Variants in BRDT observed in about 807,000 individuals in gnomAD.
The protein encoded by BRDT is bromodomain testis associated.
BRDT carries 77 observed loss-of-function variants against 113.9 expected under a neutral mutation model. The ratio of observed to expected loss-of-function variants is 0.68; its 90% CI spans 0.56 to 0.82. The LOEUF is 0.82. Among genes scored for constraint, BRDT ranks in the 40% least tolerant of loss-of-function variants. The probability of loss-of-function intolerance (pLI) is 0.00; values close to 1 mark genes in which losing one functional copy is unlikely to be tolerated. For missense variants in BRDT, 1,027 were observed against 1,105.4 expected (o/e 0.93, Z 1.01); for synonymous variants, 358 against 366.5 (o/e 0.98, Z 0.26).
In BRDT at chr1:92,007,392, C is replaced by T. The variant is rs182981249; in HGVS notation, c.2775+2093C>T. 8.5e-4 allele frequency among the ~76,000 whole-genome samples: 130 copies of T among 152,306 alleles called. 1 individual carries two copies. Among genetic ancestry groups the T allele is most frequent in the Non-Finnish European group, 1.3e-3 (87 of 68,020 alleles). On this transcript the variant is annotated intron_variant, in intron 18 of 18. Transcript: ENST00000399546. The stretch of plus-strand genomic sequence containing the variant: ...TTCTGCTCCTCTCCGTCCTCCCAAC[C>T]TCCACCCTCAAGTAGACCCCAGTGT...
chr1:91,977,352 T>C lies in BRDT; in HGVS notation c.928T>C (p.Tyr310His), dbSNP rs897745099. The stretch of plus-strand genomic sequence containing the variant: ...TAATGCTTTGGGACTCCATAACTAC[T>C]ATGACGTTGTCAAAAATCCGATGGA... The part of the protein sequence containing the change: ...DVNALGLHNY[Y>H]DVVKNPMDLG... Residue 310 changes from tyrosine to histidine, a missense_variant, in exon 6 of 19, where the codon TAT (tyrosine) becomes CAT (histidine). Physicochemically the swap from Tyr to His is moderately conservative, Grantham distance 83. Transcript: ENST00000399546. 2 of 1,598,506 alleles carry C rather than the reference T, an allele frequency of 1.3e-6. No individual in the cohort carries two copies. Among genetic ancestry groups the C allele is most frequent in the African/African-American group, 1.3e-5 (1 of 74,212 alleles).
intron 7 of BRDT, among the ~76,000 whole-genome samples, chr1:91,979,343 A>G (rs1684498245): frequency 6.6e-6 from 1 of 151,756 alleles, no homozygotes; most frequent in Non-Finnish European, 1.5e-5. Context: ...GATCTCCCCC[A>G]TCTCCGGTGA....
intron 4 of BRDT, among the ~76,000 whole-genome samples, chr1:91,970,949 T>A (rs1386861783): frequency 6.7e-6 from 1 of 150,070 alleles, no homozygotes; most frequent in Non-Finnish European, 1.5e-5. Flanking sequence ...AAGAAATATG[T>A]GAGGCTGGGT....
intron 12 of BRDT, among the ~76,000 whole-genome samples, chr1:91,984,010 A>G (rs1199732590): frequency 1.3e-5 from 2 of 152,240 alleles, no homozygotes; most frequent in Admixed American, 1.3e-4. Context: ...CATTATAAAT[A>G]GTGTACAATT....
chr1:91,950,007 G>A (rs965308002), intron 1 of BRDT: 1 of 152,162 alleles, frequency 6.6e-6, no homozygotes, highest in Admixed American at 6.6e-5. Context: ...TTCTGCAAGT[G>A]GTCATTTGGG....
intron 18 of BRDT, among the ~76,000 whole-genome samples, chr1:92,009,126 C>T (rs1224038641): frequency 6.6e-6 from 1 of 152,190 alleles, no homozygotes; most frequent in East Asian, 1.9e-4. Context: ...CCCCCAACCT[C>T]TCCCCATATC....
At position 92,004,584 on chromosome 1, in the gene BRDT, T is replaced by C. The variant is rs1159697603; in HGVS notation, c.2559T>C (p.Asn853=). 17 of 1,610,688 alleles carry C rather than the reference T, an allele frequency of 1.1e-5. No individual in the cohort carries two copies. The highest frequency in any genetic ancestry group is 1.6e-4 in the Middle Eastern group (1 of 6,066). Residue 853 remains asparagine, a synonymous_variant, in exon 17 of 19, where the codon AAT becomes AAC. Transcript: ENST00000399546. ...QELIRKHLEQ[N]TKELKASQEN... is the part of the protein sequence containing the mutation. ...TCATACGGAAGCATTTGGAACAAAA[T>C]ACAAAGGAACTAAAAGCATCTCAAG...
chr1:92,007,820 TTAAA>T (rs1198921867), intron 18 of BRDT, among the ~76,000 whole-genome samples: 2 of 152,242 alleles, frequency 1.3e-5, no homozygotes, highest in South Asian at 2.1e-4. Context: ...TTAAATTGTT[TTAAA>T]TAAAGAATCT....
chr1:91,956,305 C>T (rs1348470350), intron 1 of BRDT, among the ~76,000 whole-genome samples: 1 of 24,304 alleles, frequency 4.1e-5, no homozygotes, highest in South Asian at 4.4e-3. Flanking sequence ...ATGGTTCTTC[C>T]TGCCCCCCCC....
At chr1:91,980,488 A>G (rs577624750) in intron 8 of BRDT, among the ~76,000 whole-genome samples, 155 bp from the exon 9 acceptor site, 12 of 152,350 alleles carry the variant, frequency 7.9e-5, no homozygotes, top group African/African-American at 2.9e-4. Flanking sequence ...TTAAAAATTC[A>G]ATGCATTTGT....
intron 4 of BRDT, among the ~76,000 whole-genome samples, chr1:91,969,397 C>T (rs1342281090): frequency 6.7e-6 from 1 of 148,942 alleles, no homozygotes; most frequent in Non-Finnish European, 1.5e-5. Flanking sequence ...GCTAATAGAT[C>T]CTTAAGGTGG....
At chr1:91,956,019 C>T (rs1273084192) in intron 1 of BRDT, among the ~76,000 whole-genome samples, 3 of 152,122 alleles carry the variant, frequency 2.0e-5, no homozygotes, top group Admixed American at 6.6e-5. Context: ...CAACATTTTG[C>T]CATATTTGCT....
At chr1:91,987,018 A>G (rs192207491) in intron 12 of BRDT, among the ~76,000 whole-genome samples, 4 of 151,938 alleles carry the variant, frequency 2.6e-5, no homozygotes, top group Non-Finnish European at 5.9e-5. Flanking sequence ...GCTAACTGCA[A>G]ACTCTGCCTC....
rs185898943 is a variant in BRDT at position 92,006,398 on chromosome 1, T to A, written c.2775+1099T>A. Among the ~76,000 whole-genome samples the A allele has an allele frequency of 3.2e-3, 486 of 152,266 alleles. 3 individuals are homozygous for A. Among genetic ancestry groups the A allele is most frequent in the African/African-American group, 0.011 (464 of 41,558 alleles). On this transcript the variant is annotated intron_variant, in intron 18 of 18. Transcript: ENST00000399546. ...TTTAACCTATCTTGTGTTTTTTTTT[T>A]AATTATTTAAAGTGAGTTTCTTGTA...
rs2101657401 is a variant in BRDT, at chr1:91,978,272, T to G, written c.1074T>G (p.Val358=). The G allele has an allele frequency of 6.2e-7, 1 of 1,614,124 alleles. No individual in the cohort carries two copies. Among genetic ancestry groups the G allele is most frequent in the Non-Finnish European group, 8.5e-7 (1 of 1,180,014 alleles). Residue 358 remains valine, a synonymous_variant, in exon 7 of 19, where the codon GTT becomes GTG. Transcript: ENST00000399546. ...AGTACAATCCTCCAGATCACGAAGTTGTGACAATGGCAAGAATGCTTCAGG... is the reference window on the plus strand; with the variant it reads ...AGTACAATCCTCCAGATCACGAAGTGGTGACAATGGCAAGAATGCTTCAGG... ...CYKYNPPDHE[V]VTMARMLQDV...
At chr1:91,968,077 C>T in intron 3 of BRDT, 69 bp from the exon 4 acceptor site, 1 of 1,517,564 alleles carries the variant, frequency 6.6e-7, no homozygotes, top group South Asian at 1.2e-5. Context: ...ATAAAGTGGG[C>T]TGAATTTAAA....
At chr1:91,976,699 C>T (rs570181438) in intron 5 of BRDT, among the ~76,000 whole-genome samples, 13 of 152,106 alleles carry the variant, frequency 8.5e-5, no homozygotes, top group South Asian at 2.1e-4. Flanking sequence ...AAGTTGTTCA[C>T]CTATATAGTT....
chr1:91,987,153 C>T (rs539800945), intron 12 of BRDT, among the ~76,000 whole-genome samples: 137 of 152,118 alleles, frequency 9.0e-4, no homozygotes, highest in African/African-American at 3.2e-3. Flanking sequence ...CTCCTGGCTT[C>T]AAGCGATCTG....
intron 4 of BRDT, among the ~76,000 whole-genome samples, chr1:91,974,979 G>A (rs1683988290): frequency 6.6e-6 from 1 of 152,148 alleles, no homozygotes; most frequent in African/African-American, 2.4e-5. Context: ...CATGTCCTTT[G>A]TAGGGACATG....
Sources: allele counts gnomAD v4.1 joint callset (sites outside exome capture counted in the v4.1 genomes callset), GRCh38; gene constraint gnomAD v4.1.1; transcripts MANE v1.5; gene names NCBI Gene and HGNC (gene_info 2026-07-23, HGNC 2026-07-21).